The following IL1RAPL1 variants were observed in gnomAD, a reference collection of about 807,000 sequenced individuals.
IL1RAPL1 encodes interleukin 1 receptor accessory protein like 1.
IL1RAPL1 carries 3 observed loss-of-function variants against 48.4 expected under a neutral mutation model. That is an observed-to-expected ratio of 0.06 (90% CI 0.03 to 0.16). IL1RAPL1 has a LOEUF of 0.16. IL1RAPL1 is among the 10% of genes least tolerant of loss of function. The pLI is 1.00. For synonymous variants in IL1RAPL1, 185 were observed against 187.7 expected, an observed-to-expected ratio of 0.99 and a Z score of 0.12; for missense variants, 349 against 530.6, an observed-to-expected ratio of 0.66 and a Z score of 3.36.
intron 5 of IL1RAPL1, among the ~76,000 whole-genome samples, chrX:29,454,375 G>T (rs1176935275): frequency 8.9e-6 from 1 of 111,781 alleles, no homozygotes; most frequent in Non-Finnish European, 1.9e-5. Flanking sequence ...CTTGGAGCTG[G>T]TAGTTTTGGG....
intron 6 of IL1RAPL1, among the ~76,000 whole-genome samples, chrX:29,743,981 A>G (rs1363180855): frequency 9.0e-6 from 1 of 111,700 alleles, no homozygotes; most frequent in African/African-American, 3.2e-5. Context: ...CTGCAAATAC[A>G]TGAATGAATG....
chrX:29,898,113 C>A (rs1932423216), intron 6 of IL1RAPL1, among the ~76,000 whole-genome samples: 1 of 111,846 alleles, frequency 8.9e-6, no homozygotes, highest in South Asian at 3.7e-4. Flanking sequence ...GAGGCTCTCT[C>A]CTACTTCAGA....
intron 1 of IL1RAPL1, among the ~76,000 whole-genome samples, chrX:28,702,850 T>TC (rs1935317585): frequency 9.1e-6 from 1 of 110,496 alleles, no homozygotes; most frequent in Admixed American, 9.7e-5. Flanking sequence ...GTGTTTTTTT[T>TC]TTACTTGAAA....
At chrX:28,597,901 T>A (rs1198124423) in intron 1 of IL1RAPL1, among the ~76,000 whole-genome samples, 3 of 109,980 alleles carry the variant, frequency 2.7e-5, no homozygotes, top group Non-Finnish European at 5.7e-5. Flanking sequence ...TGCCACACAC[T>A]GTAGCAACAA....
chrX:29,185,846 CAA>C (rs35152820), intron 2 of IL1RAPL1, among the ~76,000 whole-genome samples: 1 of 100,479 alleles, frequency 1.0e-5, no homozygotes, highest in Non-Finnish European at 2.0e-5. Flanking sequence ...GTCACAGCAG[CAA>C]AAAAAAAAGG....
intron 1 of IL1RAPL1, among the ~76,000 whole-genome samples, chrX:28,766,822 T>G: frequency 8.9e-6 from 1 of 111,838 alleles, no homozygotes; most frequent in Non-Finnish European, 1.9e-5. Context: ...CTTATTTCAC[T>G]CAACATAATG....
intron 6 of IL1RAPL1, among the ~76,000 whole-genome samples, chrX:29,824,314 A>G (rs1313057054): frequency 8.9e-6 from 1 of 111,820 alleles, no homozygotes; most frequent in African/African-American, 3.3e-5. Flanking sequence ...GTGGATGTCT[A>G]GAAAATCTCC....
chrX:29,161,569 C>T (rs775723521), intron 2 of IL1RAPL1, among the ~76,000 whole-genome samples: 23 of 112,341 alleles, frequency 2.0e-4, no homozygotes, highest in South Asian at 1.1e-3. Flanking sequence ...TTCTATAATA[C>T]TTTGCATCAG....
rs771611100 is a variant in IL1RAPL1, at chrX:29,718,461, TG to T, written c.778+49962del. Reference sequence around the variant, plus strand: ...CACACACCGGGGCCTGTTTGGGGGGTGGGGGACTAGGGGAGGGATAACATTA... The same window carrying T: ...CACACACCGGGGCCTGTTTGGGGGGTGGGGACTAGGGGAGGGATAACATTA... On this transcript the variant is annotated intron_variant, in intron 6 of 10. Transcript: ENST00000378993. 1.5e-4 allele frequency among the ~76,000 whole-genome samples: 12 copies of T among 81,853 alleles called. No homozygotes were observed. In the Admixed American group the frequency reaches 1.5e-3, roughly 10 times the overall value. The allele number at this position is 81,853 out of a possible 115,157, so 71.1% of individuals were successfully genotyped here. A position where few individuals can be genotyped will look rare whatever the true frequency, so the allele number is the denominator to read the frequency against.
At chrX:28,739,091 G>A (rs927138496) in intron 1 of IL1RAPL1, among the ~76,000 whole-genome samples, 4 of 111,101 alleles carry the variant, frequency 3.6e-5, no homozygotes, top group African/African-American at 1.3e-4. Context: ...TACCTACACA[G>A]CATTCCTCCT....
chrX:29,079,969 G>A (rs181323504), intron 2 of IL1RAPL1, among the ~76,000 whole-genome samples: 7 of 111,750 alleles, frequency 6.3e-5, no homozygotes, highest in Non-Finnish European at 1.1e-4. Context: ...TCCAAGAACC[G>A]TCATAGTGAA....
chrX:29,181,351 A>G (rs1350299267), intron 2 of IL1RAPL1, among the ~76,000 whole-genome samples: 1 of 112,017 alleles, frequency 8.9e-6, no homozygotes, highest in Non-Finnish European at 1.9e-5. Context: ...TTAGGTCTCC[A>G]TGGAGCTCTG....
At chrX:29,166,990 A>G (rs914092204) in intron 2 of IL1RAPL1, among the ~76,000 whole-genome samples, 3 of 112,167 alleles carry the variant, frequency 2.7e-5, no homozygotes, top group Admixed American at 1.9e-4. Flanking sequence ...CATACCTTCT[A>G]ACACCTAACA....
At chrX:29,689,816 A>T (rs907243736) in intron 6 of IL1RAPL1, among the ~76,000 whole-genome samples, 1 of 112,293 alleles carries the variant, frequency 8.9e-6, no homozygotes, top group Non-Finnish European at 1.9e-5. Context: ...TACACTTTCA[A>T]TGGAATATAT....
chrX:29,871,533 T>A (rs1931798899), intron 6 of IL1RAPL1, among the ~76,000 whole-genome samples: 1 of 112,075 alleles, frequency 8.9e-6, no homozygotes, highest in African/African-American at 3.2e-5. Flanking sequence ...GCGTAGTGTC[T>A]GACCTGAAAG....
At chrX:28,831,022 CTCTCTGTG>C (rs1394083052) in intron 2 of IL1RAPL1, among the ~76,000 whole-genome samples, 4 of 64,975 alleles carry the variant, frequency 6.2e-5, no homozygotes, top group East Asian at 1.4e-3. Flanking sequence ...CTCTCTCTCT[CTCTCTGTG>C]TGTGTGTGTG....
chrX:29,639,479 T>G (rs1451872529), intron 5 of IL1RAPL1, among the ~76,000 whole-genome samples: 4 of 110,286 alleles, frequency 3.6e-5, no homozygotes, highest in Admixed American at 2.9e-4. Context: ...CTTCCACACA[T>G]ACATACAAAA....
chrX:29,322,503 G>A (rs745594516), intron 3 of IL1RAPL1, among the ~76,000 whole-genome samples: 2 of 112,005 alleles, frequency 1.8e-5, no homozygotes, highest in East Asian at 5.6e-4. Flanking sequence ...GAGCTCAGGT[G>A]TTCTGTCTGC....
chrX:29,166,113 C>CT (rs1929782023), intron 2 of IL1RAPL1, among the ~76,000 whole-genome samples: 1 of 112,183 alleles, frequency 8.9e-6, no homozygotes, highest in East Asian at 2.8e-4. Flanking sequence ...TCTTTGTAGT[C>CT]TTTTTTATAT....
Sources: gnomAD v4.1 joint callset for allele counts (sites outside exome capture counted in the v4.1 genomes callset) on GRCh38, gnomAD v4.1.1 for gene constraint, MANE v1.5 for transcripts, NCBI Gene and HGNC (gene_info 2026-07-23, HGNC 2026-07-21) for gene names.